Variants in TOM1L2 observed in about 807,000 individuals in gnomAD.
The protein encoded by TOM1L2 is target of myb1 like 2 membrane trafficking protein.
In TOM1L2, 31 loss-of-function variants were observed where a neutral mutation model predicts 67.9. The observed-to-expected ratio is 0.46, with a 90% confidence interval of 0.34 to 0.62. The LOEUF (loss-of-function observed/expected upper bound fraction) is 0.62. Ranked by LOEUF, TOM1L2 falls within the 20% of genes least tolerant of loss-of-function variation. The probability of loss-of-function intolerance (pLI) is 0.01; values close to 1 mark genes in which losing one functional copy is unlikely to be tolerated. For synonymous variants in TOM1L2, 256 were observed against 254.0 expected, an observed-to-expected ratio of 1.01 and a Z score of -0.07; for missense variants, 606 against 663.5, an observed-to-expected ratio of 0.91 and a Z score of 0.95.
intron 3 of TOM1L2, among the ~76,000 whole-genome samples, chr17:17,898,354 A>G (rs1401070129): frequency 6.6e-6 from 1 of 152,218 alleles, no homozygotes; most frequent in Admixed American, 6.5e-5. Context: ...ACCTGACAGC[A>G]CTGCACACAC....
intron 12 of TOM1L2, chr17:17,859,229 C>T (rs2036421574): frequency 6.6e-6 from 1 of 152,066 alleles, no homozygotes; most frequent in African/African-American, 2.4e-5. Flanking sequence ...GCATGTGCCA[C>T]CATGCCCAGC....
At chr17:17,971,287 C>T (rs2042068094) in intron 1 of TOM1L2, among the ~76,000 whole-genome samples, 1 of 152,136 alleles carries the variant, frequency 6.6e-6, no homozygotes, top group Non-Finnish European at 1.5e-5. Context: ...CTTTGACAGA[C>T]AGGGGAACTT....
chr17:17,966,485 G>C (rs1336391362), intron 1 of TOM1L2, among the ~76,000 whole-genome samples: 1 of 152,200 alleles, frequency 6.6e-6, no homozygotes, highest in Non-Finnish European at 1.5e-5. Flanking sequence ...AGCATCACTA[G>C]AGAACTTGAC....
chr17:17,886,025 G>A (rs1287665374), intron 4 of TOM1L2, among the ~76,000 whole-genome samples: 2 of 151,374 alleles, frequency 1.3e-5, no homozygotes, highest in African/African-American at 2.4e-5. Flanking sequence ...CCCTTCTCAT[G>A]CTGTCCCATT....
intron 1 of TOM1L2, among the ~76,000 whole-genome samples, chr17:17,911,103 T>A (rs117861021): frequency 6.6e-6 from 1 of 152,022 alleles, no homozygotes; most frequent in South Asian, 2.1e-4. Flanking sequence ...TCAGAGAACA[T>A]AGGAGGGTGG....
intron 12 of TOM1L2, 112 bp from the exon 13 acceptor site, chr17:17,851,064 T>G (rs2035948164): frequency 8.4e-7 from 1 of 1,192,148 alleles, no homozygotes; most frequent in Admixed American, 1.8e-5. Context: ...AACCAAAATG[T>G]ACACAGAGCA....
chr17:17,884,563 G>A, intron 5 of TOM1L2, 71 bp downstream of exon 5: 1 of 1,587,142 alleles, frequency 6.3e-7, no homozygotes, highest in Non-Finnish European at 8.6e-7. Flanking sequence ...AGCAGCAGAA[G>A]GGTGGCTGCA....
intron 7 of TOM1L2, among the ~76,000 whole-genome samples, chr17:17,874,511 T>C (rs1222737831): frequency 6.6e-6 from 1 of 152,188 alleles, no homozygotes; most frequent in Non-Finnish European, 1.5e-5. Flanking sequence ...CCTCAAGTGA[T>C]CCACTTGCCT....
At chr17:17,960,665 C>T (rs986846209) in intron 1 of TOM1L2, among the ~76,000 whole-genome samples, 2 of 152,130 alleles carry the variant, frequency 1.3e-5, no homozygotes, top group Non-Finnish European at 2.9e-5. Context: ...GCCTTAGTTT[C>T]CTAGTCTTTT....
intron 1 of TOM1L2, among the ~76,000 whole-genome samples, chr17:17,938,487 G>A (rs2144763004): frequency 6.6e-6 from 1 of 152,246 alleles, no homozygotes; most frequent in East Asian, 1.9e-4. Flanking sequence ...TGACTACCAG[G>A]AGAGGCACTG....
At chr17:17,918,716 C>T (rs1207102625) in intron 1 of TOM1L2, among the ~76,000 whole-genome samples, 1 of 152,172 alleles carries the variant, frequency 6.6e-6, no homozygotes, top group Non-Finnish European at 1.5e-5. Flanking sequence ...CTGATGGGCT[C>T]CAGCACCTGA....
chr17:17,895,071 T>C (rs1161878414), intron 3 of TOM1L2, among the ~76,000 whole-genome samples: 1 of 152,136 alleles, frequency 6.6e-6, no homozygotes, highest in East Asian at 1.9e-4. Context: ...GTGATTACTG[T>C]TCAGAAGGCT....
chr17:17,882,288 T>G (rs917396564), intron 6 of TOM1L2, among the ~76,000 whole-genome samples: 2 of 152,186 alleles, frequency 1.3e-5, no homozygotes, highest in African/African-American at 4.8e-5. Context: ...TGCCATGGTT[T>G]CCTCCCAGAT....
At chr17:17,967,132 C>T (rs1486989354) in intron 1 of TOM1L2, among the ~76,000 whole-genome samples, 1 of 152,192 alleles carries the variant, frequency 6.6e-6, no homozygotes, top group South Asian at 2.1e-4. Context: ...GGACAACTAA[C>T]TATTCTTGGT....
Position 17,847,605 on chromosome 17 carries a change from G to C in TOM1L2, c.*30C>G. 1.3e-6 allele frequency: 2 copies of C among 1,579,224 alleles called. No individual in the cohort carries two copies. The highest frequency in any genetic ancestry group is 1.7e-6 in the Non-Finnish European group (2 of 1,163,060). ...GTCCACGGGGTGCGAGCGGGGACCC[G>C]CCATCTGGGGAGGCAAACCACAGAG... On this transcript the variant is annotated 3_prime_UTR_variant, in exon 15 of 15. Transcript: ENST00000379504.
chr17:17,857,603 T>C (rs1420332221), intron 12 of TOM1L2, among the ~76,000 whole-genome samples: 1 of 152,106 alleles, frequency 6.6e-6, no homozygotes, highest in Non-Finnish European at 1.5e-5. Context: ...ACAGAGATTA[T>C]GCAAAAATAG....
chr17:17,953,678 C>G (rs1334560094), intron 1 of TOM1L2, among the ~76,000 whole-genome samples: 1 of 152,250 alleles, frequency 6.6e-6, no homozygotes, highest in East Asian at 1.9e-4. Context: ...GCCCAACACA[C>G]ATGAAGACAC....
At chr17:17,873,091 G>C (rs955556757) in intron 7 of TOM1L2, among the ~76,000 whole-genome samples, 1 of 152,226 alleles carries the variant, frequency 6.6e-6, no homozygotes, top group Non-Finnish European at 1.5e-5. Flanking sequence ...AAGGGCTCCT[G>C]AGAAGTTGGC....
intron 1 of TOM1L2, among the ~76,000 whole-genome samples, chr17:17,969,304 C>A (rs543365584): frequency 1.3e-5 from 2 of 152,120 alleles, no homozygotes; most frequent in African/African-American, 4.8e-5. Context: ...TGATCCACCA[C>A]CTTGGCCTCC....
Sources: gnomAD v4.1 joint callset for allele counts (sites outside exome capture counted in the v4.1 genomes callset) on GRCh38, gnomAD v4.1.1 for gene constraint, MANE v1.5 for transcripts, NCBI Gene and HGNC (gene_info 2026-07-23, HGNC 2026-07-21) for gene names.